HS6ST3: variants seen among roughly 807,000 people sequenced by gnomAD.
HS6ST3 encodes heparan-sulfate 6-O-sulfotransferase 3.
HS6ST3 carries 12 observed loss-of-function variants against 36.7 expected under a neutral mutation model. The ratio of observed to expected loss-of-function variants is 0.33; its 90% CI spans 0.21 to 0.53. HS6ST3 has a LOEUF of 0.53. HS6ST3 is among the 20% of genes least tolerant of loss of function. HS6ST3 has a pLI of 0.95. For missense variants in HS6ST3, 584 were observed against 640.9 expected (o/e 0.91, Z 0.96); for synonymous variants, 240 against 257.5 (o/e 0.93, Z 0.65).
intron 1 of HS6ST3, among the ~76,000 whole-genome samples, chr13:96,250,561 T>C (rs567963466): frequency 2.4e-4 from 37 of 152,310 alleles, no homozygotes; most frequent in African/African-American, 8.7e-4. Flanking sequence ...AGAATTCTCC[T>C]CTCAGAGTCT....
At chr13:96,569,705 TG>T (rs2056294310) in intron 1 of HS6ST3, among the ~76,000 whole-genome samples, 1 of 152,048 alleles carries the variant, frequency 6.6e-6, no homozygotes. Flanking sequence ...GAAATAGAAA[TG>T]GTTGAATACT....
At chr13:96,486,900 C>CA (rs1427971839) in intron 1 of HS6ST3, among the ~76,000 whole-genome samples, 1 of 152,086 alleles carries the variant, frequency 6.6e-6, no homozygotes. Flanking sequence ...GCCCTTGAGT[C>CA]AGACTTCATC....
chr13:96,555,668 A>G (rs889112675), intron 1 of HS6ST3, among the ~76,000 whole-genome samples: 5 of 152,160 alleles, frequency 3.3e-5, no homozygotes, highest in African/African-American at 1.2e-4. Flanking sequence ...TATCACTTCT[A>G]TATTTAGACT....
intron 1 of HS6ST3, among the ~76,000 whole-genome samples, chr13:96,448,192 A>G (rs1348245617): frequency 6.6e-6 from 1 of 152,186 alleles, no homozygotes; most frequent in Admixed American, 6.5e-5. Flanking sequence ...CTCTTGGCAC[A>G]AAGTTTCTTG....
Position 96,510,185 on chromosome 13 carries a change from C to T in HS6ST3, c.708-322305C>T, listed in dbSNP as rs945337448. Among the ~76,000 whole-genome samples the T allele has an allele frequency of 3.3e-5, 5 of 151,582 alleles. No homozygotes were observed. In the East Asian group the frequency reaches 5.8e-4, roughly 18 times the overall value. On this transcript the variant is annotated intron_variant, in intron 1 of 1. Transcript: ENST00000376705. ...GGAATTGAGTTCTTGATTTGATTCACAGCTTGGTCATTGATGTATAGCAGT... is the reference window on the plus strand; with the variant it reads ...GGAATTGAGTTCTTGATTTGATTCATAGCTTGGTCATTGATGTATAGCAGT...
chr13:96,334,297 C>G (rs1460572339), intron 1 of HS6ST3, among the ~76,000 whole-genome samples: 1 of 152,110 alleles, frequency 6.6e-6, no homozygotes, highest in Admixed American at 6.5e-5. Context: ...TGAGTTCTTA[C>G]ACAATGTGGT....
chr13:96,158,958 CACTT>C (rs2054123497), intron 1 of HS6ST3, among the ~76,000 whole-genome samples: 1 of 152,106 alleles, frequency 6.6e-6, no homozygotes, highest in African/African-American at 2.4e-5. Flanking sequence ...CAGAAACTGT[CACTT>C]AGTGAATCCT....
chr13:96,329,150 T>G (rs972351127), intron 1 of HS6ST3, among the ~76,000 whole-genome samples: 2 of 148,758 alleles, frequency 1.3e-5, no homozygotes, highest in Admixed American at 1.3e-4. Context: ...ATTCATTAAT[T>G]TTTTGAAGCG....
At chr13:96,596,000 G>T (rs1175146580) in intron 1 of HS6ST3, among the ~76,000 whole-genome samples, 1 of 151,970 alleles carries the variant, frequency 6.6e-6, no homozygotes, top group African/African-American at 2.4e-5. Context: ...TTACATGGAT[G>T]AATTGTATAT....
chr13:96,541,335 C>T (rs1011923610), intron 1 of HS6ST3, among the ~76,000 whole-genome samples: 2 of 152,152 alleles, frequency 1.3e-5, no homozygotes, highest in African/African-American at 4.8e-5. Context: ...CTGTGCCCAG[C>T]CCCATTTAGA....
intron 1 of HS6ST3, among the ~76,000 whole-genome samples, chr13:96,162,848 A>G (rs1352390267): frequency 6.6e-6 from 1 of 151,846 alleles, no homozygotes; most frequent in Non-Finnish European, 1.5e-5. Flanking sequence ...TTAATTAACT[A>G]TTGTGTTTGG....
At chr13:96,302,529 TATG>T (rs142635559) in intron 1 of HS6ST3, among the ~76,000 whole-genome samples, 2,199 of 152,258 alleles carry the variant, frequency 0.014, 26 homozygotes, top group East Asian at 0.054. Context: ...GTATGTGTAA[TATG>T]ATAATTACTT....
chr13:96,725,102 T>C (rs1263615337), intron 1 of HS6ST3, among the ~76,000 whole-genome samples: 1 of 152,232 alleles, frequency 6.6e-6, no homozygotes, highest in Non-Finnish European at 1.5e-5. Context: ...CTGATAGTGC[T>C]TTTAATTTGA....
intron 1 of HS6ST3, among the ~76,000 whole-genome samples, chr13:96,394,648 AG>A (rs1414988800): frequency 4.6e-5 from 7 of 152,214 alleles, no homozygotes; most frequent in Admixed American, 3.9e-4. Flanking sequence ...ACTTCAAGAA[AG>A]GCATGAGTAT....
chr13:96,404,076 G>A (rs569140880), intron 1 of HS6ST3, among the ~76,000 whole-genome samples: 9 of 152,070 alleles, frequency 5.9e-5, no homozygotes, highest in African/African-American at 1.2e-4. Context: ...ATTTCTTTTA[G>A]CATCTGTTGT....
At chr13:96,676,599 T>A (rs2056699624) in intron 1 of HS6ST3, among the ~76,000 whole-genome samples, 1 of 152,202 alleles carries the variant, frequency 6.6e-6, no homozygotes, top group South Asian at 2.1e-4. Context: ...ATGATTCACA[T>A]TCCATCCCAA....
chr13:96,139,731 T>C (rs1035221299), intron 1 of HS6ST3, among the ~76,000 whole-genome samples: 13 of 152,082 alleles, frequency 8.5e-5, no homozygotes, highest in Non-Finnish European at 1.9e-4. Context: ...ACAAAGTTTA[T>C]ATATTTATTT....
intron 1 of HS6ST3, among the ~76,000 whole-genome samples, chr13:96,271,735 T>C (rs1205993025): frequency 1.3e-5 from 2 of 152,060 alleles, no homozygotes; most frequent in South Asian, 4.1e-4. Context: ...GAATTTCATC[T>C]GCTGATCTTA....
At chr13:96,231,036 T>TG (rs1320604731) in intron 1 of HS6ST3, among the ~76,000 whole-genome samples, 1 of 151,874 alleles carries the variant, frequency 6.6e-6, no homozygotes, top group East Asian at 1.9e-4. Context: ...CCACCTACCC[T>TG]GGGTAAGGTG....
Sources: allele counts gnomAD v4.1 joint callset (sites outside exome capture counted in the v4.1 genomes callset), GRCh38; gene constraint gnomAD v4.1.1; transcripts MANE v1.5; gene names NCBI Gene and HGNC (gene_info 2026-07-23, HGNC 2026-07-21).